The following NT5DC1 variants were observed in gnomAD, a reference collection of about 807,000 sequenced individuals.
NT5DC1 encodes the protein 5'-nucleotidase domain-containing protein 1.
A neutral mutation model predicts 59.4 loss-of-function variants in NT5DC1; 42 were observed. The observed-to-expected ratio is 0.71, with a 90% CI of 0.55 to 0.92. NT5DC1 has a LOEUF of 0.92. Ranked by LOEUF, NT5DC1 falls within the 40% of genes least tolerant of loss-of-function variation. The probability of loss-of-function intolerance (pLI) is 0.00; values close to 1 mark genes in which losing one functional copy is unlikely to be tolerated. For missense variants in NT5DC1, 501 were observed against 537.1 expected, an observed-to-expected ratio of 0.93 and a Z score of 0.66; for synonymous variants, 172 against 188.1, an observed-to-expected ratio of 0.91 and a Z score of 0.70.
chr6:116,117,676 T>G (rs1778991952), intron 5 of NT5DC1, among the ~76,000 whole-genome samples, 185 bp from the exon 6 acceptor site: 1 of 152,218 alleles, frequency 6.6e-6, no homozygotes, highest in African/African-American at 2.4e-5. Flanking sequence ...ACAATTGTTG[T>G]ATGGGTACTT....
chr6:116,116,313 T>A (rs1562119768), intron 5 of NT5DC1, among the ~76,000 whole-genome samples: 1 of 152,160 alleles, frequency 6.6e-6, no homozygotes, highest in Non-Finnish European at 1.5e-5. Flanking sequence ...GATTTATATG[T>A]CAGAATCACT....
rs769122278 is a variant in NT5DC1, at chr6:116,120,665, C to T, written c.529+2720C>T. The T allele has an allele frequency of 5.8e-6, 9 of 1,545,664 alleles. No homozygotes were observed. The highest frequency in any genetic ancestry group is 2.8e-5 in the African/African-American group (2 of 72,138). ...TGGTGGCCCGGTGGGTCCATTGAGG[C>T]CCTTAGTTGCTATGCCAGCTGGGCC... On this transcript the variant is annotated intron_variant, in intron 6 of 11. Transcript: ENST00000319550.
intron 2 of NT5DC1, 82 bp from the exon 3 acceptor site, chr6:116,108,282 T>C (rs1778804803): frequency 1.2e-6 from 1 of 852,540 alleles, no homozygotes; most frequent in Middle Eastern, 2.2e-4. Flanking sequence ...TTTAGCATTA[T>C]GATGTTTGGA....
intron 6 of NT5DC1, among the ~76,000 whole-genome samples, chr6:116,155,531 A>G (rs2114410081): frequency 1.3e-5 from 2 of 152,226 alleles, no homozygotes; most frequent in Admixed American, 1.3e-4. Context: ...ACTAAAGCAA[A>G]CAATCTAAAC....
rs371623565 is a variant in NT5DC1 at position 116,163,442 on chromosome 6, C to T, written c.529+45497C>T. Among the ~76,000 whole-genome samples, 217 of 151,844 alleles carry T rather than the reference C, an allele frequency of 1.4e-3. 2 individuals carry two copies. The South Asian group carries it at 0.024, about 17-fold the overall frequency. ...TTCATAGTAGTTTCTGATGATGTTT[C>T]GTATTTCTGTGGTATCAATTTTAAT... On this transcript the variant is annotated intron_variant, in intron 6 of 11. Transcript: ENST00000319550.
At chr6:116,158,057 C>A (rs1005963935) in intron 6 of NT5DC1, among the ~76,000 whole-genome samples, 9 of 152,340 alleles carry the variant, frequency 5.9e-5, no homozygotes, top group Middle Eastern at 3.4e-3. Flanking sequence ...CACATATTGG[C>A]AGCTTCAGCT....
Position 116,158,417 on chromosome 6 carries a change from C to T in NT5DC1, c.529+40472C>T, listed in dbSNP as rs559337462. ...ATAAATGATTTACTTTTTATTTAAC[C>T]TTTGCTTAGTGAAGACAAGAAGATA... On this transcript the variant is annotated intron_variant, in intron 6 of 11. Coordinates refer to ENST00000319550, the MANE Select transcript of NT5DC1 (RefSeq NM_152729.3). 3.3e-5 allele frequency among the ~76,000 whole-genome samples: 5 copies of T among 152,096 alleles called. No individual in the cohort carries two copies. In the South Asian group the frequency reaches 6.2e-4, roughly 19 times the overall value.
intron 6 of NT5DC1, among the ~76,000 whole-genome samples, chr6:116,123,057 A>G (rs897926535): frequency 2.6e-5 from 4 of 152,222 alleles, no homozygotes; most frequent in African/African-American, 9.7e-5. Flanking sequence ...GAATTTTTTA[A>G]TGGGTTGGAG....
intron 6 of NT5DC1, among the ~76,000 whole-genome samples, chr6:116,162,761 CTTG>C (rs1159952839): frequency 6.6e-6 from 1 of 152,062 alleles, no homozygotes; most frequent in Non-Finnish European, 1.5e-5. Flanking sequence ...CTTGCTGGAT[CTTG>C]TTATTAGCAT....
intron 8 of NT5DC1, among the ~76,000 whole-genome samples, chr6:116,225,844 T>C (rs1781896423): frequency 6.6e-6 from 1 of 152,238 alleles, no homozygotes; most frequent in African/African-American, 2.4e-5. Context: ...ATGAGAATGA[T>C]CTGCTGCAGT....
chr6:116,126,912 C>G (rs1027459021), intron 6 of NT5DC1, among the ~76,000 whole-genome samples: 1 of 152,082 alleles, frequency 6.6e-6, no homozygotes, highest in East Asian at 1.9e-4. Context: ...AACACTTTCC[C>G]TCAAAGGTGG....
intron 6 of NT5DC1, among the ~76,000 whole-genome samples, chr6:116,218,807 T>C (rs1781737075): frequency 6.6e-6 from 1 of 151,040 alleles, no homozygotes; most frequent in Non-Finnish European, 1.5e-5. Context: ...TTATTTCTTT[T>C]GTTAGTTTTG....
chr6:116,163,141 A>AATATATATATATATAT (rs1554197063), intron 6 of NT5DC1, among the ~76,000 whole-genome samples: 2 of 88,402 alleles, frequency 2.3e-5, no homozygotes, highest in African/African-American at 1.2e-4. Flanking sequence ...AAAAAAAAAA[A>AATATATATATATATAT]ATATATATAT....
intron 6 of NT5DC1, among the ~76,000 whole-genome samples, chr6:116,166,370 G>A (rs1780466856): frequency 1.3e-5 from 2 of 152,134 alleles, no homozygotes; most frequent in Admixed American, 1.3e-4. Context: ...TTGATACATG[G>A]TGGTTGGATA....
intron 8 of NT5DC1, among the ~76,000 whole-genome samples, chr6:116,235,582 T>C (rs1347725444): frequency 1.3e-5 from 2 of 152,254 alleles, no homozygotes; most frequent in Admixed American, 6.5e-5. Flanking sequence ...TGCACTTTAT[T>C]ATTGTGACAT....
chr6:116,107,708 G>T (rs1469222023), intron 2 of NT5DC1, among the ~76,000 whole-genome samples: 2 of 151,360 alleles, frequency 1.3e-5, no homozygotes, highest in Non-Finnish European at 3.0e-5. Context: ...GAGTAGCTGG[G>T]ACTACAGGCG....
chr6:116,206,773 C>A (rs1019646016), intron 6 of NT5DC1, among the ~76,000 whole-genome samples: 1 of 151,892 alleles, frequency 6.6e-6, no homozygotes, highest in Non-Finnish European at 1.5e-5. Flanking sequence ...TTTTCTTTGC[C>A]ATAGTTTTTA....
At chr6:116,135,018 A>G (rs1455100361) in intron 6 of NT5DC1, among the ~76,000 whole-genome samples, 2 of 152,236 alleles carry the variant, frequency 1.3e-5, no homozygotes, top group East Asian at 3.9e-4. Context: ...GCTATGCTTC[A>G]CTTTCCCATT....
chr6:116,107,157 G>A (rs1484293866), intron 2 of NT5DC1, among the ~76,000 whole-genome samples: 2 of 150,992 alleles, frequency 1.3e-5, no homozygotes, highest in Admixed American at 1.3e-4. Flanking sequence ...TCATGCCACT[G>A]CATTCCAGCC....
Sources: gnomAD v4.1 joint callset for allele counts (sites outside exome capture counted in the v4.1 genomes callset) on GRCh38, gnomAD v4.1.1 for gene constraint, MANE v1.5 for transcripts, NCBI Gene and HGNC (gene_info 2026-07-23, HGNC 2026-07-21) for gene names.